TRIP12: variants seen among roughly 807,000 people sequenced by gnomAD.
The protein encoded by TRIP12 is thyroid hormone receptor interactor 12.
A neutral mutation model predicts 244.2 loss-of-function variants in TRIP12; 25 were observed. The observed-to-expected ratio is 0.10, with a 90% confidence interval of 0.07 to 0.14. The LOEUF is 0.14. Ranked by LOEUF, TRIP12 falls within the 10% of genes least tolerant of loss-of-function variation. The pLI, the probability that TRIP12 is intolerant of heterozygous loss-of-function variation, is 1.00. For synonymous variants in TRIP12, 905 were observed against 873.1 expected, an observed-to-expected ratio of 1.04 and a Z score of -0.64; for missense variants, 1,677 against 2,486.4, an observed-to-expected ratio of 0.67 and a Z score of 6.92.
At chr2:229,804,786 C>T (rs1219090386) in intron 18 of TRIP12, among the ~76,000 whole-genome samples, 2 of 152,184 alleles carry the variant, frequency 1.3e-5, no homozygotes, top group South Asian at 2.1e-4. Context: ...CAGCCATGTA[C>T]ATTTGTTCAC....
At chr2:229,849,978 G>A (rs1297707065) in intron 4 of TRIP12, among the ~76,000 whole-genome samples, 1 of 147,796 alleles carries the variant, frequency 6.8e-6, no homozygotes, top group Non-Finnish European at 1.5e-5. Flanking sequence ...GAAATTAAAA[G>A]TGATTTTGTA....
At chr2:229,777,554 G>C (rs1214656039) in intron 36 of TRIP12, 75 bp from the exon 37 acceptor site, 2 of 1,465,174 alleles carry the variant, frequency 1.4e-6, no homozygotes, top group African/African-American at 2.8e-5. Flanking sequence ...GGCACTTCAG[G>C]AGATCATTTA....
At chr2:229,775,454 C>G (rs1254266436) in intron 37 of TRIP12, among the ~76,000 whole-genome samples, 1 of 151,130 alleles carries the variant, frequency 6.6e-6, no homozygotes, top group Admixed American at 6.6e-5. Context: ...TCAAAACTAT[C>G]CTCTGTGACT....
Position 229,778,480 on chromosome 2 carries a change from G to A in TRIP12, c.5317C>T (p.Arg1773Cys), listed in dbSNP as rs780172925. The A allele has an allele frequency of 4.3e-6, 7 of 1,613,998 alleles. No homozygotes were observed. Among genetic ancestry groups the A allele is most frequent in the African/African-American group, 1.3e-5 (1 of 75,008 alleles). The change falls in exon 36 of 42, where the codon CGC becomes TGC. Residue 1773 changes from arginine (R) to cysteine (C), a missense_variant. Around this residue, in one of 11 missense-constraint regions of TRIP12, gnomAD observed 171 missense variants for 388.4 expected, o/e 0.44. Transcript: ENST00000675903. This position sits in a 1 kb window ranked among gnomAD's most constrained non-coding sequence, Gnocchi z 4.1. Reference sequence around the variant, plus strand: ...TTGGCCATTAATTTTCCTAAGAAGCGAAACTTCATCTTAACCTTTGCGATA... The same window carrying A: ...TTGGCCATTAATTTTCCTAAGAAGCAAAACTTCATCTTAACCTTTGCGATA... ...AHIAKVKMKFRFLGKLMAKAI... is the reference protein window; with the variant it reads ...AHIAKVKMKFCFLGKLMAKAI...
Position 229,789,680 on chromosome 2 carries a change from C to T in TRIP12, c.4626G>A (p.Pro1542=), listed in dbSNP as rs146874504. 8.0e-4 allele frequency: 1,285 copies of T among 1,613,872 alleles called. No homozygotes were observed. Among genetic ancestry groups the T allele is most frequent in the Non-Finnish European group, 1.0e-3 (1,186 of 1,179,976 alleles). ...TTAAAAGAAGGATCACATCTAATGA[C>T]GGGTCTTCAAATGTTATATTTTCAG... ...TPPENITFED[P]SLDVILLLRV... Residue 1542 remains proline (P), a synonymous_variant, in exon 31 of 42, where the codon CCG becomes CCA. Coordinates refer to ENST00000675903, the MANE Select transcript of TRIP12 (RefSeq NM_001348323.3).
chr2:229,887,077 T>C (rs930635188), intron 1 of TRIP12, among the ~76,000 whole-genome samples: 1 of 152,024 alleles, frequency 6.6e-6, no homozygotes, highest in African/African-American at 2.4e-5. Context: ...TAATTATGTA[T>C]TTACCTTAAA....
chr2:229,801,650 C>A (rs1210852677), intron 21 of TRIP12, among the ~76,000 whole-genome samples: 1 of 151,928 alleles, frequency 6.6e-6, no homozygotes, highest in East Asian at 1.9e-4. Context: ...AAAATGGAAA[C>A]CAATGGAAGT....
chr2:229,823,019 A>G (rs985137597), intron 8 of TRIP12, among the ~76,000 whole-genome samples: 13 of 152,210 alleles, frequency 8.5e-5, no homozygotes, highest in Non-Finnish European at 1.3e-4. Context: ...CTAGGCAAAG[A>G]GAAAAAATTC....
chr2:229,918,447 G>A (rs771127053), intron 1 of TRIP12, among the ~76,000 whole-genome samples: 16 of 152,172 alleles, frequency 1.1e-4, no homozygotes, highest in Non-Finnish European at 1.9e-4. Flanking sequence ...GTTCTGTAAA[G>A]AAAACAGTGA....
At position 229,765,510 on chromosome 2, in the gene TRIP12, G is replaced by A. The variant is rs1281759189; in HGVS notation, c.*2044C>T. 1 of 152,172 alleles carries A rather than the reference G, an allele frequency of 6.6e-6. No individual in the cohort carries two copies. The highest frequency in any genetic ancestry group is 2.4e-5 in the African/African-American group (1 of 41,448). 9.4% of individuals were successfully genotyped at this position (152,172 alleles called of 1,614,324 possible). A position where few individuals can be genotyped will look rare whatever the true frequency, so the allele number is the denominator to read the frequency against. ...TGAAACACTCAAGACTTTAGAGTTT[G>A]AGTCAAAATCATCATATATACTTAT... is the stretch of plus-strand genomic sequence containing the variant. On this transcript the variant is annotated 3_prime_UTR_variant, in exon 42 of 42. Transcript: ENST00000675903.
At position 229,767,267 on chromosome 2, in the gene TRIP12, A is replaced by G. The variant is rs1426151043; in HGVS notation, c.*287T>C. ...GCCTGGAAAAACATCCCTTTTTTAA[A>G]TTTCACACAGCAAAGCATGTTAAAA... On this transcript the variant is annotated 3_prime_UTR_variant, in exon 42 of 42. Coordinates refer to ENST00000675903, the MANE Select transcript of TRIP12 (RefSeq NM_001348323.3). 1.4e-5 allele frequency: 4 copies of G among 291,788 alleles called. No homozygotes were observed. Among genetic ancestry groups the G allele is most frequent in the Non-Finnish European group, 2.5e-5 (4 of 159,390 alleles). The allele number at this position is 291,788 out of a possible 1,614,324, so 18.1% of individuals were successfully genotyped here. A position where few individuals can be genotyped will look rare whatever the true frequency, so the allele number is the denominator to read the frequency against.
At chr2:229,898,270 C>T (rs2069469784) in intron 1 of TRIP12, among the ~76,000 whole-genome samples, 2 of 152,326 alleles carry the variant, frequency 1.3e-5, no homozygotes, top group Middle Eastern at 3.4e-3. Context: ...TTATTTTTTA[C>T]ACCTCCAAAT....
intron 5 of TRIP12, among the ~76,000 whole-genome samples, chr2:229,839,243 T>C (rs2055692305): frequency 6.6e-6 from 1 of 152,208 alleles, no homozygotes; most frequent in African/African-American, 2.4e-5. Flanking sequence ...TACAGGTTTG[T>C]GGCTAGGAGC....
intron 4 of TRIP12, among the ~76,000 whole-genome samples, chr2:229,848,368 G>C (rs1029977199): frequency 8.5e-5 from 10 of 117,442 alleles, no homozygotes; most frequent in Non-Finnish European, 1.1e-4. Flanking sequence ...CACAGGCAAA[G>C]AAAACTCACC....
At chr2:229,846,458 C>G (rs910025841) in intron 4 of TRIP12, among the ~76,000 whole-genome samples, 1 of 152,182 alleles carries the variant, frequency 6.6e-6, no homozygotes, top group East Asian at 1.9e-4. Flanking sequence ...AAGCCATGTA[C>G]ATTGTTTTTT....
chr2:229,844,736 TTC>T (rs1176145649), intron 4 of TRIP12, among the ~76,000 whole-genome samples: 7 of 88,108 alleles, frequency 7.9e-5, no homozygotes, highest in Non-Finnish European at 2.3e-4. Flanking sequence ...ATTTAAGATC[TTC>T]ATTCCATAAG....
chr2:229,837,374 C>A (rs549444000), intron 5 of TRIP12, among the ~76,000 whole-genome samples: 2 of 152,214 alleles, frequency 1.3e-5, no homozygotes, highest in South Asian at 4.1e-4. Context: ...GTAGCTCATG[C>A]CTGTAACCCC....
At chr2:229,786,262 G>T (rs991672441) in intron 33 of TRIP12, among the ~76,000 whole-genome samples, 1 of 152,134 alleles carries the variant, frequency 6.6e-6, no homozygotes, top group Non-Finnish European at 1.5e-5. Context: ...GAAACCTACT[G>T]GCTCTGATCT....
At position 229,823,491 on chromosome 2, in the gene TRIP12, G is replaced by A. The variant is rs1217893126; in HGVS notation, c.1451-4979C>T. On this transcript the variant is annotated intron_variant, in intron 8 of 41. Transcript: ENST00000675903. Reference sequence around the variant, plus strand: ...AAATCGAGACCATCCTGGCTAACACGGTGAAACCCTATCTCTACCAAAAAT... The same window carrying A: ...AAATCGAGACCATCCTGGCTAACACAGTGAAACCCTATCTCTACCAAAAAT... 6.6e-5 allele frequency among the ~76,000 whole-genome samples: 10 copies of A among 151,784 alleles called. No homozygotes were observed. The East Asian group carries it at 9.7e-4, about 15-fold the overall frequency.
Sources: allele counts gnomAD v4.1 joint callset (sites outside exome capture counted in the v4.1 genomes callset), GRCh38; gene constraint gnomAD v4.1.1; regional missense constraint gnomAD v4.1.1; non-coding constraint Gnocchi (gnomAD v3.1); transcripts MANE v1.5; gene names NCBI Gene and HGNC (gene_info 2026-07-23, HGNC 2026-07-21).